WDPCP: variants seen among roughly 807,000 people sequenced by gnomAD.
WDPCP encodes WD repeat containing planar cell polarity effector.
WDPCP carries 71 observed loss-of-function variants against 93.1 expected under a neutral mutation model. That is an observed-to-expected ratio of 0.76 (90% CI 0.63 to 0.93). The LOEUF is 0.93. Ranked by LOEUF, WDPCP falls within the 40% of genes least tolerant of loss-of-function variation. WDPCP has a pLI of 0.00. For missense variants in WDPCP, 844 were observed against 887.4 expected (o/e 0.95, Z 0.62); for synonymous variants, 315 against 315.0 (o/e 1.00, Z 0.00).
At chr2:63,558,384 T>A (rs1399139693) in intron 1 of WDPCP, among the ~76,000 whole-genome samples, 1 of 151,632 alleles carries the variant, frequency 6.6e-6, no homozygotes, top group East Asian at 1.9e-4. Flanking sequence ...AAAAATTAGC[T>A]GGGCGTGGTG....
intron 2 of WDPCP, among the ~76,000 whole-genome samples, chr2:63,765,620 T>C (rs576027181): frequency 6.6e-6 from 1 of 152,276 alleles, no homozygotes; most frequent in African/African-American, 2.4e-5. Context: ...GCCTCTGGCT[T>C]CTATGCAACA....
intron 2 of WDPCP, among the ~76,000 whole-genome samples, chr2:63,692,624 T>G (rs1668906727): frequency 6.6e-6 from 1 of 152,216 alleles, no homozygotes; most frequent in Non-Finnish European, 1.5e-5. Context: ...ATGTGATGTT[T>G]AGAAAAGTGA....
chr2:63,554,387 G>A (rs191512472), intron 1 of WDPCP, among the ~76,000 whole-genome samples: 1 of 152,268 alleles, frequency 6.6e-6, no homozygotes, highest in East Asian at 1.9e-4. Context: ...GTAAATTGGT[G>A]TCTACCATGA....
In WDPCP at chr2:63,403,526, T is replaced by C. The variant is rs368385500; in HGVS notation, c.1435+522A>G. Among the ~76,000 whole-genome samples, 128 of 152,348 alleles carry C rather than the reference T, an allele frequency of 8.4e-4. 2 individuals carry two copies. The highest frequency in any genetic ancestry group is 7.9e-3 in the South Asian group (38 of 4,826). On this transcript the variant is annotated intron_variant, in intron 10 of 17. Coordinates refer to ENST00000272321, the MANE Select transcript of WDPCP (RefSeq NM_015910.7). ...ATAAAAATACCTATCCTTTTGAATATTTTTATCCAAAAGAGAAACTAAAAG... is the reference window on the plus strand; with the variant it reads ...ATAAAAATACCTATCCTTTTGAATACTTTTATCCAAAAGAGAAACTAAAAG...
At chr2:63,362,277 T>TTGGGTGTGTGTG (rs1553362983) in intron 12 of WDPCP, among the ~76,000 whole-genome samples, 17,801 of 93,972 alleles carry the variant, frequency 0.19, 3,067 homozygotes, top group East Asian at 0.51. Context: ...TTTTTTTTGG[T>TTGGGTGTGTGTG]TGTGTGTGTG....
intron 3 of WDPCP, among the ~76,000 whole-genome samples, chr2:63,615,368 C>T (rs936532815): frequency 2.6e-5 from 4 of 152,116 alleles, no homozygotes; most frequent in African/African-American, 7.2e-5. Context: ...GTCCACCGTG[C>T]GGGATCTACC....
At chr2:63,682,128 G>A (rs1335999559) in intron 2 of WDPCP, among the ~76,000 whole-genome samples, 1 of 152,178 alleles carries the variant, frequency 6.6e-6, no homozygotes, top group African/African-American at 2.4e-5. Context: ...AACATACACT[G>A]ACAGACATCC....
intron 10 of WDPCP, among the ~76,000 whole-genome samples, chr2:63,392,097 A>C (rs896096161): frequency 6.6e-6 from 1 of 152,204 alleles, no homozygotes; most frequent in African/African-American, 2.4e-5. Context: ...AAGCAAAAAG[A>C]ACAAAGCTGG....
In WDPCP at chr2:63,120,693, A is replaced by ATT. The variant is rs538097900; in HGVS notation, c.*1311_*1312dup. 2.7e-4 allele frequency among the ~76,000 whole-genome samples: 38 copies of ATT among 142,438 alleles called. No homozygotes were observed. In the East Asian group the frequency reaches 3.9e-3, roughly 15 times the overall value. The allele number at this position is 142,438 out of a possible 152,430, so 93.4% of individuals were successfully genotyped here. On this transcript the variant is annotated 3_prime_UTR_variant, in exon 18 of 18. Coordinates refer to ENST00000272321, the MANE Select transcript of WDPCP (RefSeq NM_015910.7). Reference sequence around the variant, plus strand: ...AGGTGCACGCCACCACGCCCGGCTAATTTTTTTTTTTTTTGTATTTTTAGT... The same window carrying ATT: ...AGGTGCACGCCACCACGCCCGGCTAATTTTTTTTTTTTTTTTGTATTTTTAGT...
At chr2:63,306,168 C>T (rs965695858) in intron 13 of WDPCP, among the ~76,000 whole-genome samples, 32 of 152,196 alleles carry the variant, frequency 2.1e-4, no homozygotes, top group Non-Finnish European at 5.9e-5. Context: ...TGGACACGTA[C>T]ACCCTCCCAA....
chr2:63,253,887 C>T (rs909948749), intron 14 of WDPCP, among the ~76,000 whole-genome samples: 2 of 152,042 alleles, frequency 1.3e-5, no homozygotes, highest in Non-Finnish European at 2.9e-5. Context: ...TGAGTATATA[C>T]CCAAAGGAAA....
chr2:63,555,181 C>T (rs1023199549), intron 1 of WDPCP, among the ~76,000 whole-genome samples: 1 of 152,202 alleles, frequency 6.6e-6, no homozygotes, highest in Non-Finnish European at 1.5e-5. Flanking sequence ...AGTTTGGACA[C>T]GGGAGGAATT....
intron 9 of WDPCP, among the ~76,000 whole-genome samples, chr2:63,427,021 C>T (rs533549161): frequency 1.1e-4 from 16 of 152,120 alleles, no homozygotes; most frequent in Non-Finnish European, 1.8e-4. Flanking sequence ...AAAAAAGGTT[C>T]GATTCAACAA....
chr2:63,126,675 T>G (rs1418425161), intron 17 of WDPCP, among the ~76,000 whole-genome samples: 3 of 148,016 alleles, frequency 2.0e-5, no homozygotes, highest in African/African-American at 7.5e-5. Flanking sequence ...TGTTTTTTTT[T>G]TTTTTTTTTT....
chr2:63,367,225 A>G (rs1488057063), intron 12 of WDPCP, among the ~76,000 whole-genome samples: 4 of 152,018 alleles, frequency 2.6e-5, no homozygotes, highest in Non-Finnish European at 5.9e-5. Context: ...GACCAATAAA[A>G]AAGTAAGAAT....
rs1199474200 is a variant in WDPCP at position 63,153,490 on chromosome 2, A to G, written c.2158+5T>C. 3.1e-6 allele frequency: 5 copies of G among 1,608,344 alleles called. No individual in the cohort carries two copies. Among genetic ancestry groups the G allele is most frequent in the Non-Finnish European group, 4.3e-6 (5 of 1,175,368 alleles). On this transcript the variant is annotated splice_donor_5th_base_variant and intron_variant, in intron 16 of 17. Coordinates refer to ENST00000272321, the MANE Select transcript of WDPCP (RefSeq NM_015910.7). ...TGAATACTTGGGTGTCTTGAATACC[A>G]TTACCTTCTGCATTACAGGTATTAG...
At chr2:63,189,458 G>A (rs1040211563) in intron 14 of WDPCP, among the ~76,000 whole-genome samples, 4 of 152,164 alleles carry the variant, frequency 2.6e-5, no homozygotes, top group Non-Finnish European at 5.9e-5. Flanking sequence ...CTATTTTTAT[G>A]TATATGTTAC....
intron 3 of WDPCP, chr2:63,622,382 C>T: frequency 6.2e-7 from 1 of 1,610,998 alleles, no homozygotes; most frequent in South Asian, 1.1e-5. Context: ...TGCTTTTGAA[C>T]TGGGCAAGAC....
upstream of WDPCP, among the ~76,000 whole-genome samples, chr2:63,832,178 G>A (rs750248272): frequency 6.6e-6 from 1 of 152,184 alleles, no homozygotes; most frequent in Admixed American, 6.5e-5. Context: ...GGGCTACAAC[G>A]CATCTGGCAG....
Sources: allele counts gnomAD v4.1 joint callset (sites outside exome capture counted in the v4.1 genomes callset), GRCh38; gene constraint gnomAD v4.1.1; transcripts MANE v1.5; gene names NCBI Gene and HGNC (gene_info 2026-07-23, HGNC 2026-07-21).